The following HDAC9 variants were observed in gnomAD, a reference collection of about 807,000 sequenced individuals.
HDAC9 encodes histone deacetylase 9.
In HDAC9, 41 loss-of-function variants were observed where a neutral mutation model predicts 139.4. The observed-to-expected ratio is 0.29, with a 90% confidence interval of 0.23 to 0.38. HDAC9 has a LOEUF of 0.38. HDAC9 is among the 10% of genes least tolerant of loss of function. HDAC9 has a pLI of 1.00. For missense variants in HDAC9, 1,147 were observed against 1,297.0 expected (o/e 0.88, Z 1.78); for synonymous variants, 517 against 476.2 (o/e 1.09, Z -1.12).
chr7:18,545,124 G>C (rs1814346670), intron 2 of HDAC9, among the ~76,000 whole-genome samples: 1 of 152,150 alleles, frequency 6.6e-6, no homozygotes, highest in African/African-American at 2.4e-5. Context: ...CTAAACGTAT[G>C]GTTCCCAAAG....
chr7:18,336,953 G>A (rs558753687), intron 1 of HDAC9, among the ~76,000 whole-genome samples: 13 of 151,588 alleles, frequency 8.6e-5, no homozygotes, highest in South Asian at 8.3e-4. Context: ...TTAAAGAAGC[G>A]TATAATTAAA....
chr7:18,343,110 G>A (rs558770943), intron 1 of HDAC9, among the ~76,000 whole-genome samples: 12 of 151,840 alleles, frequency 7.9e-5, no homozygotes, highest in African/African-American at 2.9e-4. Flanking sequence ...AAAATCTCCT[G>A]TCAAGGAAGA....
At chr7:18,818,538 C>G (rs1305453338) in intron 17 of HDAC9, among the ~76,000 whole-genome samples, 1 of 152,204 alleles carries the variant, frequency 6.6e-6, no homozygotes, top group Admixed American at 6.5e-5. Context: ...TGCACTGCAG[C>G]TATACCTTTA....
At chr7:18,135,197 G>C (rs969719081) in intron 1 of HDAC9, among the ~76,000 whole-genome samples, 2 of 149,428 alleles carry the variant, frequency 1.3e-5, no homozygotes, top group African/African-American at 4.9e-5. Flanking sequence ...TTACTATTTT[G>C]ACAAAAATAC....
intron 17 of HDAC9, among the ~76,000 whole-genome samples, chr7:18,800,705 T>A (rs1425335857): frequency 6.6e-6 from 1 of 152,064 alleles, no homozygotes; most frequent in Non-Finnish European, 1.5e-5. Flanking sequence ...GGGTGGCATG[T>A]ACCTGTTGTC....
intron 2 of HDAC9, among the ~76,000 whole-genome samples, chr7:18,180,746 A>G (rs1393141619): frequency 6.6e-6 from 1 of 152,164 alleles, no homozygotes; most frequent in African/African-American, 2.4e-5. Flanking sequence ...ACAAATTACC[A>G]CAAACTTGGT....
intron 2 of HDAC9, among the ~76,000 whole-genome samples, chr7:18,545,074 G>T (rs895741662): frequency 2.0e-5 from 3 of 152,112 alleles, no homozygotes; most frequent in African/African-American, 7.2e-5. Context: ...TAATGATCTG[G>T]CTCCAAACGT....
intron 1 of HDAC9, among the ~76,000 whole-genome samples, chr7:18,125,613 C>T (rs182788107): frequency 1.3e-5 from 2 of 151,876 alleles, no homozygotes; most frequent in African/African-American, 4.8e-5. Flanking sequence ...GTGTTATCTA[C>T]TTATCTATCT....
At chr7:18,472,247 T>C (rs576260164) in intron 1 of HDAC9, among the ~76,000 whole-genome samples, 1 of 152,316 alleles carries the variant, frequency 6.6e-6, no homozygotes, top group East Asian at 1.9e-4. Flanking sequence ...AATTCCATGC[T>C]AAGAAATGAC....
chr7:18,820,370 C>G (rs1434924987), intron 17 of HDAC9, among the ~76,000 whole-genome samples: 2 of 152,110 alleles, frequency 1.3e-5, no homozygotes, highest in African/African-American at 4.8e-5. Context: ...TACAAATTCC[C>G]TGTTAGGAGA....
At chr7:18,230,665 C>A (rs531591356) in intron 2 of HDAC9, among the ~76,000 whole-genome samples, 59 of 152,252 alleles carry the variant, frequency 3.9e-4, no homozygotes, top group African/African-American at 1.3e-3. Flanking sequence ...ATTTTATATG[C>A]AATGTTAATG....
intron 12 of HDAC9, chr7:18,666,756 C>CTTTAAAT: frequency 8.1e-7 from 1 of 1,229,248 alleles, no homozygotes. Context: ...AATATCTGAG[C>CTTTAAAT]AGTTAATAGG....
chr7:18,352,948 G>C (rs530888948), intron 1 of HDAC9, among the ~76,000 whole-genome samples: 3 of 152,126 alleles, frequency 2.0e-5, no homozygotes, highest in African/African-American at 7.2e-5. Context: ...ATATCTTCCA[G>C]TACCTTAACA....
chr7:18,580,853 A>G (rs1284382754), intron 2 of HDAC9, among the ~76,000 whole-genome samples: 2 of 152,156 alleles, frequency 1.3e-5, no homozygotes, highest in Non-Finnish European at 2.9e-5. Flanking sequence ...TGGGATGTAA[A>G]AGTGACCATA....
At chr7:18,712,798 G>A (rs1468648528) in intron 12 of HDAC9, among the ~76,000 whole-genome samples, 1 of 152,110 alleles carries the variant, frequency 6.6e-6, no homozygotes, top group Admixed American at 6.6e-5. Context: ...AATTATAATA[G>A]CATGTGCATA....
chr7:18,234,931 G>C (rs1056466277), intron 2 of HDAC9, among the ~76,000 whole-genome samples: 1 of 152,274 alleles, frequency 6.6e-6, no homozygotes, highest in African/African-American at 2.4e-5. Flanking sequence ...CCAGAATGTG[G>C]GGTTTTTGTT....
chr7:18,585,653 T>G, intron 3 of HDAC9, 131 bp downstream of exon 3: 1 of 1,221,982 alleles, frequency 8.2e-7, no homozygotes, highest in Non-Finnish European at 1.1e-6. Flanking sequence ...TTGAAGGGAA[T>G]TGTGATTTTA....
chr7:18,261,957 C>A (rs1305320274), intron 2 of HDAC9, among the ~76,000 whole-genome samples: 1 of 152,150 alleles, frequency 6.6e-6, no homozygotes, highest in South Asian at 2.1e-4. Flanking sequence ...AAATGTTAGC[C>A]AAGCAGCTAA....
chr7:18,345,572 CAAA>C (rs35183114), intron 1 of HDAC9, among the ~76,000 whole-genome samples: 42 of 123,428 alleles, frequency 3.4e-4, no homozygotes, highest in African/African-American at 6.8e-4. Context: ...CAACAGAAGA[CAAA>C]AAAAAAAAAA....
Sources: allele counts gnomAD v4.1 joint callset (sites outside exome capture counted in the v4.1 genomes callset), GRCh38; gene constraint gnomAD v4.1.1; transcripts MANE v1.5; gene names NCBI Gene and HGNC (gene_info 2026-07-23, HGNC 2026-07-21).